CRB1: variants seen among roughly 807,000 people sequenced by gnomAD.
CRB1 encodes crumbs cell polarity complex component 1, also known as protein crumbs homolog 1.
A neutral mutation model predicts 120.0 loss-of-function variants in CRB1; 83 were observed. The ratio of observed to expected loss-of-function variants is 0.69; its 90% confidence interval spans 0.58 to 0.83. CRB1 has a LOEUF of 0.83. CRB1 is among the 40% of genes least tolerant of loss of function. The probability of loss-of-function intolerance (pLI) is 0.00; values close to 1 mark genes in which losing one functional copy is unlikely to be tolerated. For missense variants in CRB1, 1,699 were observed against 1,687.6 expected (o/e 1.01, Z -0.12); for synonymous variants, 625 against 612.5 (o/e 1.02, Z -0.30).
Position 197,422,570 on chromosome 1 carries a change from G to A in CRB1, c.2128+614G>A, listed in dbSNP as rs147407442. 4.4e-3 allele frequency among the ~76,000 whole-genome samples: 668 copies of A among 151,698 alleles called. 3 individuals carry two copies. The highest frequency in any genetic ancestry group is 0.015 in the African/African-American group (611 of 41,394). On this transcript the variant is annotated intron_variant, in intron 6 of 11. Coordinates refer to ENST00000367400, the MANE Select transcript of CRB1 (RefSeq NM_201253.3). ...AAAAAAAAAAAAGAAAAAAAAATGT[G>A]GAAAGTAACAATAGTAGAACTTGGT...
At chr1:197,247,582 A>G in the CRB1 span, among the ~76,000 whole-genome samples, 1 of 152,088 alleles carries the variant, frequency 6.6e-6, no homozygotes, top group Non-Finnish European at 1.5e-5. Flanking sequence ...CAAGACTTTC[A>G]TTTGCACTGA....
At chr1:197,457,571 A>G (rs1020273116) in intron 11 of CRB1, among the ~76,000 whole-genome samples, 2 of 152,180 alleles carry the variant, frequency 1.3e-5, no homozygotes, top group Non-Finnish European at 2.9e-5. Flanking sequence ...AGTACCTGGC[A>G]ATCATTCCTG....
chr1:197,280,892 T>C (rs915070893), intron 1 of CRB1, among the ~76,000 whole-genome samples: 2 of 151,894 alleles, frequency 1.3e-5, no homozygotes, highest in Admixed American at 6.6e-5. Context: ...TAAAGTACAT[T>C]GGTCAGTGAG....
Position 197,454,127 on chromosome 1 carries a change from T to C in CRB1, c.4005+11835T>C, listed in dbSNP as rs142450334. Among the ~76,000 whole-genome samples, 141 of 151,196 alleles carry C rather than the reference T, an allele frequency of 9.3e-4. 2 individuals are homozygous for C. The highest frequency in any genetic ancestry group is 3.3e-3 in the African/African-American group (135 of 41,206). ...AGGCATGAGCCACTCTACCCAGTGG[T>C]ATAAAATTTTAATTATACAAGATGA... On this transcript the variant is annotated intron_variant, in intron 11 of 11. Transcript: ENST00000367400.
intron 1 of CRB1, among the ~76,000 whole-genome samples, chr1:197,276,103 GT>G: frequency 6.6e-6 from 1 of 151,766 alleles, no homozygotes; most frequent in African/African-American, 2.4e-5. Flanking sequence ...ATATTTCCTA[GT>G]TTTTATCTTC....
At chr1:197,405,989 C>T (rs1342049999) in intron 5 of CRB1, among the ~76,000 whole-genome samples, 14 of 142,712 alleles carry the variant, frequency 9.8e-5, no homozygotes, top group East Asian at 4.5e-4. Flanking sequence ...CCGCCCCGTC[C>T]GGGAGGTGAG....
At chr1:197,284,225 T>C (rs1054290394) in intron 1 of CRB1, among the ~76,000 whole-genome samples, 2 of 151,874 alleles carry the variant, frequency 1.3e-5, no homozygotes, top group African/African-American at 4.8e-5. Flanking sequence ...TTGAAGAAAA[T>C]GCACAGGACC....
chr1:197,205,275 C>G, the CRB1 span, among the ~76,000 whole-genome samples: 64 of 152,222 alleles, frequency 4.2e-4, 1 homozygote, highest in African/African-American at 3.6e-4. Flanking sequence ...CTCAGACTTC[C>G]AGTACTGTGT....
chr1:197,427,355 G>T (rs575320389), intron 6 of CRB1, 99 bp from the exon 7 acceptor site: 66 of 887,782 alleles, frequency 7.4e-5, no homozygotes, highest in African/African-American at 6.9e-4. Flanking sequence ...GTGCATGTGT[G>T]TGTGTGAAAT....
intron 10 of CRB1, chr1:197,438,998 G>A (rs1327890499): frequency 6.8e-6 from 2 of 294,874 alleles, no homozygotes; most frequent in Non-Finnish European, 6.5e-6. Flanking sequence ...TGCAAATATG[G>A]TTGCTGTCGA....
intron 5 of CRB1, among the ~76,000 whole-genome samples, chr1:197,386,762 G>A (rs1005540591): frequency 2.0e-5 from 3 of 152,076 alleles, no homozygotes; most frequent in African/African-American, 7.2e-5. Flanking sequence ...ATTATGTTGA[G>A]TGTTATTGCA....
chr1:197,243,251 C>A, the CRB1 span, among the ~76,000 whole-genome samples: 1 of 152,098 alleles, frequency 6.6e-6, no homozygotes, highest in African/African-American at 2.4e-5. Flanking sequence ...TTCTCTAGTT[C>A]TTTTAATTGT....
chr1:197,251,353 A>T, the CRB1 span, among the ~76,000 whole-genome samples: 1 of 151,934 alleles, frequency 6.6e-6, no homozygotes, highest in Non-Finnish European at 1.5e-5. Context: ...TGGTGGTGGT[A>T]GTTATTTGAT....
chr1:197,295,905 T>C (rs1420346621), intron 1 of CRB1, among the ~76,000 whole-genome samples: 1 of 152,016 alleles, frequency 6.6e-6, no homozygotes, highest in Non-Finnish European at 1.5e-5. Context: ...ATCACATAGC[T>C]GGAAGAGAGC....
At chr1:197,201,673 G>T in the CRB1 span, among the ~76,000 whole-genome samples, 1 of 152,184 alleles carries the variant, frequency 6.6e-6, no homozygotes, top group Non-Finnish European at 1.5e-5. Context: ...GCAGTCGCAC[G>T]AATGGATTTC....
chr1:197,382,103 A>G (rs114600145), intron 5 of CRB1, among the ~76,000 whole-genome samples: 1 of 152,188 alleles, frequency 6.6e-6, no homozygotes, highest in Non-Finnish European at 1.5e-5. Context: ...TGGATTCAGA[A>G]TTCTTAGTGT....
chr1:197,285,260 T>C (rs953483680), intron 1 of CRB1, among the ~76,000 whole-genome samples: 2 of 151,910 alleles, frequency 1.3e-5, no homozygotes, highest in Admixed American at 1.3e-4. Context: ...GTAGCTAAAC[T>C]ATTTTTTATA....
At chr1:197,447,756 AG>A (rs911369070) in intron 11 of CRB1, among the ~76,000 whole-genome samples, 2 of 149,968 alleles carry the variant, frequency 1.3e-5, no homozygotes. Flanking sequence ...GGCTGAGGCT[AG>A]GTGGGAAGAT....
At chr1:197,387,033 C>T (rs1662251452) in intron 5 of CRB1, among the ~76,000 whole-genome samples, 1 of 152,114 alleles carries the variant, frequency 6.6e-6, no homozygotes, top group African/African-American at 2.4e-5. Context: ...CTCGCTTTCT[C>T]TCACTCAACA....
Sources: gnomAD v4.1 joint callset for allele counts (sites outside exome capture counted in the v4.1 genomes callset) on GRCh38, gnomAD v4.1.1 for gene constraint, MANE v1.5 for transcripts, NCBI Gene and HGNC (gene_info 2026-07-23, HGNC 2026-07-21) for gene names.